Variants in NDUFB9 observed in about 807,000 individuals in gnomAD.
The protein encoded by NDUFB9 is NADH:ubiquinone oxidoreductase subunit B9.
A neutral mutation model predicts 30.2 loss-of-function variants in NDUFB9; 24 were observed. That is an observed-to-expected ratio of 0.80 (90% confidence interval 0.58 to 1.12). The LOEUF is 1.12. Among genes scored for constraint, NDUFB9 ranks in the 50% most tolerant of loss-of-function variants. The pLI is 0.00. For synonymous variants in NDUFB9, 80 were observed against 84.0 expected (o/e 0.95, Z 0.26); for missense variants, 204 against 226.0 (o/e 0.90, Z 0.62).
chr8:124,540,445 C>G (rs559492008), intron 1 of NDUFB9, among the ~76,000 whole-genome samples: 1 of 152,116 alleles, frequency 6.6e-6, no homozygotes, highest in Non-Finnish European at 1.5e-5. Flanking sequence ...GGTATCCCAA[C>G]ACAAATGGTA....
chr8:124,546,800 C>CT, intron 2 of NDUFB9, 200 bp from the exon 3 acceptor site: 1 of 617,752 alleles, frequency 1.6e-6, no homozygotes, highest in Non-Finnish European at 2.9e-6. Flanking sequence ...TCAGCACAGT[C>CT]TTTGACTCTA....
intron 1 of NDUFB9, chr8:124,542,807 C>G: frequency 5.0e-6 from 1 of 200,850 alleles, no homozygotes; most frequent in South Asian, 5.5e-5. Context: ...ATGCTCTTTT[C>G]TTTTTTTTTT....
Position 124,549,751 on chromosome 8 carries a change from C to A in NDUFB9, c.409-10C>A, listed in dbSNP as rs770528500. On this transcript the variant is annotated splice_polypyrimidine_tract_variant and intron_variant, in intron 3 of 3. Transcript: ENST00000276689. Reference sequence around the variant, plus strand: ...CCTTTGGTAATGATTCCTTCCTTGCCTCCTTCTAGGTTAAGCAGCTGCAGG... The same window carrying A: ...CCTTTGGTAATGATTCCTTCCTTGCATCCTTCTAGGTTAAGCAGCTGCAGG... 7 of 1,613,560 alleles carry A rather than the reference C, an allele frequency of 4.3e-6. No individual in the cohort carries two copies. Among genetic ancestry groups the A allele is most frequent in the Non-Finnish European group, 5.1e-6 (6 of 1,179,566 alleles).
intron 2 of NDUFB9, 114 bp from the exon 3 acceptor site, chr8:124,546,886 T>G (rs1822172793): frequency 1.2e-6 from 1 of 801,734 alleles, no homozygotes; most frequent in Non-Finnish European, 2.2e-6. Flanking sequence ...GTCTGGTAGT[T>G]GCAGTGGTTA....
chr8:124,544,463 T>A (rs892098184), intron 2 of NDUFB9, among the ~76,000 whole-genome samples: 3 of 152,234 alleles, frequency 2.0e-5, no homozygotes, highest in African/African-American at 7.2e-5. Flanking sequence ...TGTAGAACTT[T>A]CATACCTTGA....
At chr8:124,546,418 T>C (rs1822161165) in intron 2 of NDUFB9, among the ~76,000 whole-genome samples, 1 of 152,216 alleles carries the variant, frequency 6.6e-6, no homozygotes, top group African/African-American at 2.4e-5. Context: ...AAAACTTTTA[T>C]ATGCACTGGG....
intron 2 of NDUFB9, among the ~76,000 whole-genome samples, chr8:124,543,749 C>CA (rs1308419125): frequency 6.6e-6 from 1 of 152,144 alleles, no homozygotes; most frequent in African/African-American, 2.4e-5. Flanking sequence ...TTTCACCGAC[C>CA]AATAGTTCCT....
rs76972200 is a variant in NDUFB9 at position 124,546,269 on chromosome 8, A to C, written c.295-731A>C. On this transcript the variant is annotated intron_variant, in intron 2 of 3. Transcript: ENST00000276689. ...GGAATCAATCCTCTCAAACCCTGCC[A>C]CTGCTTTATCAACTAAGTTGATGTA... 5.7e-3 allele frequency among the ~76,000 whole-genome samples: 861 copies of C among 152,350 alleles called. 10 individuals are homozygous for C. The highest frequency in any genetic ancestry group is 0.02 in the African/African-American group (821 of 41,582).
chr8:124,539,862 T>G (rs1821864171), intron 1 of NDUFB9, among the ~76,000 whole-genome samples: 1 of 152,248 alleles, frequency 6.6e-6, no homozygotes, highest in African/African-American at 2.4e-5. Flanking sequence ...TTTTCTCTTT[T>G]TAGCTTCATC....
chr8:124,547,189 C>T lies in NDUFB9; in HGVS notation c.408+76C>T, dbSNP rs548864672. ...GTTTTGCTCCCCACAAGCAGAGGTC[C>T]AGATTCCAGCCATGACAGTTACTCT... On this transcript the variant is annotated intron_variant, in intron 3 of 3. Transcript: ENST00000276689. 3.4e-4 allele frequency: 363 copies of T among 1,070,942 alleles called. 5 individuals are homozygous for T. The highest frequency in any genetic ancestry group is 2.5e-3 in the South Asian group (204 of 80,270). The allele number at this position is 1,070,942 out of a possible 1,614,324, so 66.3% of individuals were successfully genotyped here.
In NDUFB9 at chr8:124,539,269, A is replaced by G. The variant is rs200160068; in HGVS notation, c.83A>G (p.Glu28Gly). The change falls in exon 1 of 4, where the codon GAG (glutamate) becomes GGG (glycine). Residue 28 changes from glutamate (E) to glycine (G), a missense_variant. By Grantham distance (98) the Glu-to-Gly change is moderately conservative. Coordinates refer to ENST00000276689, the MANE Select transcript of NDUFB9 (RefSeq NM_005005.3). ...RLYKRALRHLESWCVQRDKYR... is the reference protein window; with the variant it reads ...RLYKRALRHLGSWCVQRDKYR... The stretch of plus-strand genomic sequence containing the variant: ...TATAAGCGGGCGCTACGCCACCTCG[A>G]GTCGTGGTGCGTCCAGAGGTAAGGG... 1.9e-6 allele frequency: 3 copies of G among 1,614,162 alleles called. No homozygotes were observed. Among genetic ancestry groups the G allele is most frequent in the Non-Finnish European group, 2.5e-6 (3 of 1,180,016 alleles).
chr8:124,546,853 T>G, intron 2 of NDUFB9, 147 bp from the exon 3 acceptor site: 1 of 739,680 alleles, frequency 1.4e-6, no homozygotes, highest in South Asian at 1.4e-5. Context: ...TCCTCTGCTG[T>G]TCCTTGCTTA....
At chr8:124,542,807 CTTTTTT>C (rs58685573) in intron 1 of NDUFB9, 684 of 203,678 alleles carry the variant, frequency 3.4e-3, no homozygotes, top group South Asian at 8.2e-3. Flanking sequence ...ATGCTCTTTT[CTTTTTT>C]TTTTTTTTTT....
chr8:124,539,471 C>T, intron 1 of NDUFB9, 184 bp downstream of exon 1: 3 of 614,672 alleles, frequency 4.9e-6, no homozygotes, highest in South Asian at 3.8e-5. Context: ...GGCCGGGAGA[C>T]CTTGTAGAGT....
chr8:124,545,108 C>A (rs1822122467), intron 2 of NDUFB9, among the ~76,000 whole-genome samples: 1 of 152,162 alleles, frequency 6.6e-6, no homozygotes, highest in African/African-American at 2.4e-5. Flanking sequence ...CATGATAAAT[C>A]TTGAGCAGAT....
At chr8:124,547,674 G>A (rs1481326375) in intron 3 of NDUFB9, among the ~76,000 whole-genome samples, 2 of 152,062 alleles carry the variant, frequency 1.3e-5, no homozygotes, top group East Asian at 3.9e-4. Context: ...TGAGGGATGG[G>A]GAGGAATCAA....
At chr8:124,539,528 C>G in intron 1 of NDUFB9, 1 of 543,222 alleles carries the variant, frequency 1.8e-6, no homozygotes, top group Non-Finnish European at 3.3e-6. Flanking sequence ...AAAACGGACG[C>G]ACGACCAGCG....
At chr8:124,547,252 G>A (rs1292097452) in intron 3 of NDUFB9, 139 bp downstream of exon 3, 1 of 728,608 alleles carries the variant, frequency 1.4e-6, no homozygotes, top group Admixed American at 2.0e-5. Flanking sequence ...GTATCTAAGT[G>A]TATCAATTTA....
At chr8:124,549,726 C>A (rs560428797) in intron 3 of NDUFB9, 35 bp from the exon 4 acceptor site, 3 of 1,601,482 alleles carry the variant, frequency 1.9e-6, no homozygotes, top group Non-Finnish European at 2.6e-6. Context: ...CAATTAGATT[C>A]CTTTGGTAAT....
Sources: allele counts gnomAD v4.1 joint callset (sites outside exome capture counted in the v4.1 genomes callset), GRCh38; gene constraint gnomAD v4.1.1; transcripts MANE v1.5; gene names NCBI Gene and HGNC (gene_info 2026-07-23, HGNC 2026-07-21).